Variants in CFAP299 observed in about 807,000 individuals in gnomAD.
CFAP299 encodes cilia- and flagella-associated protein 299.
Under a neutral mutation model 27.0 loss-of-function variants are expected in CFAP299, and 21 were observed. That is an observed-to-expected ratio of 0.78 (90% CI 0.55 to 1.12). The LOEUF is 1.12. Among genes scored for constraint, CFAP299 ranks in the 50% most tolerant of loss-of-function variants. The pLI, the probability that CFAP299 is intolerant of heterozygous loss-of-function variation, is 0.00. For missense variants in CFAP299, 310 were observed against 276.6 expected (o/e 1.12, Z -0.86); for synonymous variants, 104 against 98.1 (o/e 1.06, Z -0.36).
intron 2 of CFAP299, among the ~76,000 whole-genome samples, chr4:80,425,230 A>T (rs1727476056): frequency 6.6e-6 from 1 of 152,182 alleles, no homozygotes; most frequent in Non-Finnish European, 1.5e-5. Flanking sequence ...ATAATTTTTT[A>T]ACCTCTTGCA....
chr4:80,616,512 G>GA (rs1016974934), intron 3 of CFAP299, among the ~76,000 whole-genome samples: 6 of 151,526 alleles, frequency 4.0e-5, no homozygotes, highest in Middle Eastern at 3.4e-3. Flanking sequence ...TTTTACAGAT[G>GA]AAAAAAAACA....
intron 2 of CFAP299, among the ~76,000 whole-genome samples, chr4:80,475,177 T>C (rs1254028240): frequency 6.6e-6 from 1 of 152,088 alleles, no homozygotes; most frequent in Non-Finnish European, 1.5e-5. Flanking sequence ...CAGTGTGGTA[T>C]GGAAGTTGAA....
At chr4:80,575,330 A>T (rs556877184) in intron 2 of CFAP299, among the ~76,000 whole-genome samples, 5,975 of 145,918 alleles carry the variant, frequency 0.041, 358 homozygotes, top group African/African-American at 0.13. Flanking sequence ...CTTTCATTAA[A>T]TTTTTTTTTT....
chr4:80,855,868 C>T (rs1173613084), intron 3 of CFAP299, among the ~76,000 whole-genome samples: 13 of 148,234 alleles, frequency 8.8e-5, no homozygotes, highest in Non-Finnish European at 1.3e-4. Flanking sequence ...AATAAACATA[C>T]GTGTGCATGT....
At chr4:80,533,673 G>A (rs1843563) in intron 2 of CFAP299, among the ~76,000 whole-genome samples, 59,930 of 151,952 alleles carry the variant, frequency 0.39, 15,629 homozygotes, top group African/African-American at 0.74. Context: ...AAAGCCCTAT[G>A]ACAATAATTT....
rs1342975647 is a variant in CFAP299, at chr4:80,521,367, T to A, written c.243-61726T>A. ...TGATTTAAATGTCAGTGGTATCTGTTTCTGGTATATGAAACTAGTGTTTTT... is the reference window on the plus strand; with the variant it reads ...TGATTTAAATGTCAGTGGTATCTGTATCTGGTATATGAAACTAGTGTTTTT... On this transcript the variant is annotated intron_variant, in intron 2 of 5. Coordinates refer to ENST00000358105, the MANE Select transcript of CFAP299 (RefSeq NM_152770.3). Among the ~76,000 whole-genome samples the A allele has an allele frequency of 2.0e-5, 3 of 152,306 alleles. No homozygotes were observed. The East Asian group carries it at 5.8e-4, about 29-fold the overall frequency.
intron 2 of CFAP299, among the ~76,000 whole-genome samples, chr4:80,486,764 G>A (rs1730837834): frequency 6.6e-6 from 1 of 152,164 alleles, no homozygotes; most frequent in East Asian, 1.9e-4. Flanking sequence ...AGCTCTAAAA[G>A]TTTTTTGAGT....
At chr4:80,943,492 A>T (rs1737302086) in intron 4 of CFAP299, among the ~76,000 whole-genome samples, 1 of 152,196 alleles carries the variant, frequency 6.6e-6, no homozygotes, top group African/African-American at 2.4e-5. Flanking sequence ...CAGGATCAGA[A>T]GAATATCATT....
intron 3 of CFAP299, among the ~76,000 whole-genome samples, chr4:80,754,801 T>C (rs1725141320): frequency 6.6e-6 from 1 of 152,150 alleles, no homozygotes; most frequent in African/African-American, 2.4e-5. Flanking sequence ...CAGGTATGCA[T>C]GCACTTGCAC....
chr4:80,856,796 G>T (rs1402356366), intron 3 of CFAP299, among the ~76,000 whole-genome samples: 1 of 151,818 alleles, frequency 6.6e-6, no homozygotes, highest in East Asian at 1.9e-4. Context: ...ATGCTGTTTT[G>T]GTTACTGTAG....
chr4:80,374,385 G>T (rs539512941), intron 2 of CFAP299, among the ~76,000 whole-genome samples: 35 of 152,178 alleles, frequency 2.3e-4, no homozygotes, highest in Middle Eastern at 3.4e-3. Flanking sequence ...GTGTAACTCT[G>T]ATAAGGGAAC....
intron 2 of CFAP299, among the ~76,000 whole-genome samples, chr4:80,378,165 C>T (rs1724515057): frequency 6.6e-6 from 1 of 152,166 alleles, no homozygotes; most frequent in African/African-American, 2.4e-5. Flanking sequence ...TTTGTTAGAT[C>T]TGTCCCTAGA....
At chr4:80,695,556 A>G (rs148311163) in intron 3 of CFAP299, among the ~76,000 whole-genome samples, 1 of 152,324 alleles carries the variant, frequency 6.6e-6, no homozygotes, top group African/African-American at 2.4e-5. Context: ...ACATCGTTAA[A>G]TAAGCCTCTC....
At chr4:80,853,926 AATAT>A (rs1331169280) in intron 3 of CFAP299, among the ~76,000 whole-genome samples, 1 of 152,206 alleles carries the variant, frequency 6.6e-6, no homozygotes, top group Non-Finnish European at 1.5e-5. Flanking sequence ...GAGAGAAAAG[AATAT>A]ATACACTAGT....
chr4:80,420,938 C>G lies in CFAP299; in HGVS notation c.242+58054C>G, dbSNP rs1307104363. Reference sequence around the variant, plus strand: ...ATTGCTCACTGTGCTGCACAAAAGGCCTTGGACTGCCCTCTTCTTGGCCTT... The same window carrying G: ...ATTGCTCACTGTGCTGCACAAAAGGGCTTGGACTGCCCTCTTCTTGGCCTT... On this transcript the variant is annotated intron_variant, in intron 2 of 5. Coordinates refer to ENST00000358105, the MANE Select transcript of CFAP299 (RefSeq NM_152770.3). Among the ~76,000 whole-genome samples, 7 of 152,258 alleles carry G rather than the reference C, an allele frequency of 4.6e-5. No homozygotes were observed. In the South Asian group the frequency reaches 1.2e-3, roughly 27 times the overall value.
intron 2 of CFAP299, among the ~76,000 whole-genome samples, chr4:80,480,676 A>T (rs550521058): frequency 6.6e-5 from 10 of 152,116 alleles, no homozygotes; most frequent in Non-Finnish European, 1.3e-4. Context: ...TTTACTCATA[A>T]CAACTGGATA....
chr4:80,673,626 C>T (rs1395795923), intron 3 of CFAP299, among the ~76,000 whole-genome samples: 1 of 152,066 alleles, frequency 6.6e-6, no homozygotes, highest in Non-Finnish European at 1.5e-5. Context: ...GTTAAAGTCT[C>T]CCATTATTAT....
intron 4 of CFAP299, among the ~76,000 whole-genome samples, chr4:80,884,746 C>G (rs1733892007): frequency 6.6e-6 from 1 of 151,258 alleles, no homozygotes; most frequent in African/African-American, 2.4e-5. Context: ...TTTAGCTAGA[C>G]CAAGAAATAA....
intron 2 of CFAP299, among the ~76,000 whole-genome samples, chr4:80,472,942 G>T (rs1477475684): frequency 1.3e-5 from 2 of 152,108 alleles, no homozygotes; most frequent in Non-Finnish European, 2.9e-5. Flanking sequence ...CTGCCATACA[G>T]GTGATTAATT....
Sources: gnomAD v4.1 joint callset for allele counts (sites outside exome capture counted in the v4.1 genomes callset) on GRCh38, gnomAD v4.1.1 for gene constraint, MANE v1.5 for transcripts, NCBI Gene and HGNC (gene_info 2026-07-23, HGNC 2026-07-21) for gene names.